Variants in ADAMTSL1 observed in about 807,000 individuals in gnomAD.
ADAMTSL1 encodes ADAMTS-like protein 1.
In ADAMTSL1, 126 loss-of-function variants were observed where a neutral mutation model predicts 201.8. The ratio of observed to expected loss-of-function variants is 0.62; its 90% CI spans 0.54 to 0.72. The LOEUF (loss-of-function observed/expected upper bound fraction) is 0.72. ADAMTSL1 is among the 30% of genes least tolerant of loss of function. ADAMTSL1 has a pLI of 0.00. For missense variants in ADAMTSL1, 2,679 were observed against 2,277.8 expected, an observed-to-expected ratio of 1.18 and a Z score of -3.59; for synonymous variants, 1,121 against 903.4, an observed-to-expected ratio of 1.24 and a Z score of -4.32.
intron 20 of ADAMTSL1, among the ~76,000 whole-genome samples, chr9:18,812,545 C>T (rs890556510): frequency 6.6e-6 from 1 of 152,126 alleles, no homozygotes; most frequent in Non-Finnish European, 1.5e-5. Context: ...CTTAAACTTG[C>T]TATCAAAAGC....
chr9:18,503,018 G>C (rs1220179417), intron 1 of ADAMTSL1, among the ~76,000 whole-genome samples: 5 of 151,864 alleles, frequency 3.3e-5, no homozygotes, highest in Admixed American at 3.3e-4. Context: ...GTTTATATTT[G>C]TTTTTGTGCC....
chr9:18,602,531 T>C (rs1401263795), intron 4 of ADAMTSL1, among the ~76,000 whole-genome samples: 1 of 152,166 alleles, frequency 6.6e-6, no homozygotes, highest in East Asian at 1.9e-4. Flanking sequence ...GGTTCTGATT[T>C]TGGGGGGACT....
chr9:18,860,110 C>CT (rs1299652546), intron 23 of ADAMTSL1, among the ~76,000 whole-genome samples: 1 of 152,118 alleles, frequency 6.6e-6, no homozygotes, highest in African/African-American at 2.4e-5. Flanking sequence ...TTTTTGTGAG[C>CT]TTTTAGTCTA....
chr9:18,569,340 A>G (rs1032721476), intron 3 of ADAMTSL1, among the ~76,000 whole-genome samples: 17 of 152,324 alleles, frequency 1.1e-4, no homozygotes, highest in Middle Eastern at 3.4e-3. Flanking sequence ...CACGGTTAGA[A>G]TTGAGTGCTT....
intron 3 of ADAMTSL1, among the ~76,000 whole-genome samples, chr9:18,560,401 T>C (rs1337373976): frequency 6.6e-6 from 1 of 152,232 alleles, no homozygotes; most frequent in Non-Finnish European, 1.5e-5. Context: ...GCTACTGGAT[T>C]CAGTTTGCCA....
intron 23 of ADAMTSL1, among the ~76,000 whole-genome samples, chr9:18,844,720 A>C (rs997989049): frequency 2.0e-5 from 3 of 152,146 alleles, no homozygotes; most frequent in African/African-American, 7.2e-5. Context: ...TGCTTTGTTT[A>C]CCTAAGCAAG....
chr9:18,038,937 A>G (rs1821320816), intron 1 of ADAMTSL1, among the ~76,000 whole-genome samples: 2 of 152,182 alleles, frequency 1.3e-5, no homozygotes, highest in African/African-American at 4.8e-5. Context: ...ATGAACACAT[A>G]AGTTAGTTAA....
intron 1 of ADAMTSL1, among the ~76,000 whole-genome samples, chr9:18,480,114 T>G (rs2131801562): frequency 6.6e-6 from 1 of 152,350 alleles, no homozygotes; most frequent in African/African-American, 2.4e-5. Context: ...AAGAAAACGA[T>G]ACTTACATTA....
chr9:18,828,660 TTA>T lies in ADAMTSL1; in HGVS notation c.4115-1150_4115-1149del, dbSNP rs1554643931. Among the ~76,000 whole-genome samples the T allele has an allele frequency of 5.8e-3, 166 of 28,512 alleles. 1 individual carries two copies. Among genetic ancestry groups the T allele is most frequent in the South Asian group, 0.014 (8 of 566 alleles). 18.7% of individuals were successfully genotyped at this position (28,512 alleles called of 152,430 possible). A position where few individuals can be genotyped will look rare whatever the true frequency, so the allele number is the denominator to read the frequency against. On this transcript the variant is annotated intron_variant, in intron 22 of 28. Coordinates refer to ENST00000380548, the MANE Select transcript of ADAMTSL1 (RefSeq NM_001040272.6). ...GAAAAGGATTCTTTTGAAAGTATATTTATATATATATATATATATATATATAT... is the reference window on the plus strand; with the variant it reads ...GAAAAGGATTCTTTTGAAAGTATATTTATATATATATATATATATATATAT...
At chr9:18,017,406 G>GA (rs1820303647) in intron 1 of ADAMTSL1, among the ~76,000 whole-genome samples, 1 of 151,866 alleles carries the variant, frequency 6.6e-6, no homozygotes, top group African/African-American at 2.4e-5. Context: ...TTTCAGCACT[G>GA]ACAGTTTGTT....
intron 1 of ADAMTSL1, among the ~76,000 whole-genome samples, chr9:17,916,747 T>C (rs1418052654): frequency 6.6e-6 from 1 of 152,216 alleles, no homozygotes; most frequent in Non-Finnish European, 1.5e-5. Context: ...ATAACTTTGT[T>C]CTTCATATTT....
chr9:18,230,773 T>G (rs935562258), intron 2 of ADAMTSL1, among the ~76,000 whole-genome samples: 1 of 152,184 alleles, frequency 6.6e-6, no homozygotes, highest in East Asian at 1.9e-4. Context: ...TTCAAATAAA[T>G]GACCAAACTC....
At chr9:18,410,103 C>T (rs1303535001) in intron 2 of ADAMTSL1, among the ~76,000 whole-genome samples, 6 of 151,682 alleles carry the variant, frequency 4.0e-5, no homozygotes, top group Non-Finnish European at 8.8e-5. Flanking sequence ...TAATCCTATC[C>T]TTAGTTTAAA....
At chr9:18,317,413 C>T (rs1834448442) in intron 2 of ADAMTSL1, among the ~76,000 whole-genome samples, 1 of 152,070 alleles carries the variant, frequency 6.6e-6, no homozygotes, top group South Asian at 2.1e-4. Flanking sequence ...CACACACACA[C>T]ACACACACAC....
intron 21 of ADAMTSL1, among the ~76,000 whole-genome samples, chr9:18,821,415 G>A (rs2131209660): frequency 6.6e-6 from 1 of 152,182 alleles, no homozygotes; most frequent in East Asian, 1.9e-4. Flanking sequence ...CCAGGAGAGG[G>A]GAAAACAGAA....
In ADAMTSL1 at chr9:18,902,193, G is replaced by A. The variant is rs139825192; in HGVS notation, c.4852-3589G>A. On this transcript the variant is annotated intron_variant, in intron 26 of 28. Transcript: ENST00000380548. ...CTTCAGAAACCCACTTTCAACAATC[G>A]ATAGGACAACTAAACAAAAGATCAG... Among the ~76,000 whole-genome samples the A allele has an allele frequency of 6.8e-3, 1,041 of 152,200 alleles. 16 individuals carry two copies. Among genetic ancestry groups the A allele is most frequent in the African/African-American group, 0.023 (973 of 41,538 alleles).
chr9:18,659,536 A>G (rs1828927299), intron 8 of ADAMTSL1, among the ~76,000 whole-genome samples: 1 of 152,242 alleles, frequency 6.6e-6, no homozygotes, highest in Non-Finnish European at 1.5e-5. Context: ...AAGCCAAGGC[A>G]GAAGGATGGC....
At chr9:18,861,328 C>T (rs1281867246) in intron 23 of ADAMTSL1, among the ~76,000 whole-genome samples, 1 of 152,170 alleles carries the variant, frequency 6.6e-6, no homozygotes, top group African/African-American at 2.4e-5. Flanking sequence ...CTGCCTCATC[C>T]AGGTCTAAAT....
Position 18,909,319 on chromosome 9 carries a change from T to C in ADAMTSL1, c.*771T>C, listed in dbSNP as rs967914359. ...CATGGACCAGCTCTGATCCCATGCATGTGCGCATGCTCAGAGCCCTGCTGC... is the reference window on the plus strand; with the variant it reads ...CATGGACCAGCTCTGATCCCATGCACGTGCGCATGCTCAGAGCCCTGCTGC... On this transcript the variant is annotated 3_prime_UTR_variant, in exon 29 of 29. Transcript: ENST00000380548. 1 of 152,332 alleles carries C rather than the reference T, an allele frequency of 6.6e-6. No individual in the cohort carries two copies. Among genetic ancestry groups the C allele is most frequent in the Admixed American group, 6.5e-5 (1 of 15,286 alleles). 9.4% of individuals were successfully genotyped at this position (152,332 alleles called of 1,614,324 possible). A position where few individuals can be genotyped will look rare whatever the true frequency, so the allele number is the denominator to read the frequency against.
Sources: allele counts gnomAD v4.1 joint callset (sites outside exome capture counted in the v4.1 genomes callset), GRCh38; gene constraint gnomAD v4.1.1; transcripts MANE v1.5; gene names NCBI Gene and HGNC (gene_info 2026-07-23, HGNC 2026-07-21).